The following AGT variants were observed in gnomAD, a reference collection of about 807,000 sequenced individuals.
AGT encodes the protein angiotensinogen, also known as alpha-1 antiproteinase, antitrypsin.
A neutral mutation model predicts 28.1 loss-of-function variants in AGT; 26 were observed. That is an observed-to-expected ratio of 0.92 (90% CI 0.68 to 1.28). The LOEUF is 1.28. AGT is among the 50% of genes most tolerant of loss of function. AGT has a pLI of 0.00. For synonymous variants in AGT, 259 were observed against 259.6 expected (o/e 1.00, Z 0.02); for missense variants, 596 against 592.3 (o/e 1.01, Z -0.06).
At chr1:230,732,714 A>G (rs1664089346) in intron 1 of AGT, among the ~76,000 whole-genome samples, 1 of 152,162 alleles carries the variant, frequency 6.6e-6, no homozygotes. Context: ...AAACATATTT[A>G]CTCTCCATTA....
chr1:230,739,208 T>G (rs1387998791), intron 1 of AGT, among the ~76,000 whole-genome samples: 1 of 151,618 alleles, frequency 6.6e-6, no homozygotes, highest in African/African-American at 2.4e-5. Context: ...GTTTTTTTTT[T>G]TTTTTAATTA....
chr1:230,714,998 C>T (rs1663700766), upstream of AGT, among the ~76,000 whole-genome samples: 1 of 152,072 alleles, frequency 6.6e-6, no homozygotes, highest in African/African-American at 2.4e-5. Context: ...TGTGTCCAGC[C>T]TTAAATACAT....
intron 2 of AGT, 43 bp downstream of exon 2, chr1:230,709,952 T>G (rs1248839580): frequency 6.2e-7 from 1 of 1,613,444 alleles, no homozygotes; most frequent in East Asian, 2.2e-5. Flanking sequence ...ACACATTGGA[T>G]ACTAAGTCCT....
intron 3 of AGT, among the ~76,000 whole-genome samples, chr1:230,705,247 A>G (rs1030527691): frequency 5.3e-5 from 8 of 151,572 alleles, no homozygotes; most frequent in Non-Finnish European, 8.9e-5. Flanking sequence ...TACGATGGCA[A>G]ATTTTGTTAC....
intron 1 of AGT, among the ~76,000 whole-genome samples, chr1:230,723,804 G>T (rs1286774884): frequency 1.3e-5 from 2 of 152,092 alleles, no homozygotes; most frequent in Non-Finnish European, 2.9e-5. Context: ...AAGTCCACAG[G>T]GTATTGAGCT....
At chr1:230,705,253 G>C (rs1663349332) in intron 3 of AGT, among the ~76,000 whole-genome samples, 1 of 152,134 alleles carries the variant, frequency 6.6e-6, no homozygotes, top group Admixed American at 6.5e-5. Context: ...GGCAAATTTT[G>C]TTACGTATAT....
upstream of AGT, among the ~76,000 whole-genome samples, chr1:230,715,870 G>C (rs929712204): frequency 6.6e-6 from 1 of 152,146 alleles, no homozygotes; most frequent in East Asian, 1.9e-4. Context: ...CTGTGCCTGG[G>C]CCTCCTGCCT....
upstream of AGT, among the ~76,000 whole-genome samples, chr1:230,716,808 G>A (rs904901187): frequency 6.6e-6 from 1 of 151,950 alleles, no homozygotes; most frequent in African/African-American, 2.4e-5. Context: ...TTAGCAGCGT[G>A]AGAACAGATA....
Position 230,723,243 on chromosome 1 carries a change from A to G in AGT, c.-30-12390T>C, listed in dbSNP as rs188532734. Among the ~76,000 whole-genome samples the G allele has an allele frequency of 5.3e-5, 8 of 152,278 alleles. No individual in the cohort carries two copies. In the East Asian group the frequency reaches 1.5e-3, roughly 29 times the overall value. ...TAAGTTTCCTGAGGCCTCCCCAGCC[A>G]TGCAGAACTGTGAGCCAATTAAACC... is the stretch of plus-strand genomic sequence containing the variant. On this transcript the variant is annotated intron_variant, in intron 1 of 4. Transcript: ENST00000681269.
chr1:230,708,753 G>A (rs527588286), intron 2 of AGT, among the ~76,000 whole-genome samples: 23 of 152,202 alleles, frequency 1.5e-4, no homozygotes, highest in African/African-American at 5.3e-4. Flanking sequence ...ACGTGTTCCC[G>A]TGACTGTGTG....
upstream of AGT, among the ~76,000 whole-genome samples, chr1:230,718,210 G>A (rs1210929396): frequency 6.6e-6 from 1 of 152,144 alleles, no homozygotes; most frequent in Non-Finnish European, 1.5e-5. Flanking sequence ...TTCCCAAAGT[G>A]TTGGGATTAC....
At chr1:230,715,748 A>T (rs188966726), upstream of AGT, among the ~76,000 whole-genome samples, 138 of 152,314 alleles carry the variant, frequency 9.1e-4, 1 homozygote, top group East Asian at 6.0e-3. Context: ...CCCAGTGTTT[A>T]AATATTTCGG....
chr1:230,737,501 G>A (rs1415341097), intron 1 of AGT, among the ~76,000 whole-genome samples: 1 of 151,936 alleles, frequency 6.6e-6, no homozygotes, highest in Non-Finnish European at 1.5e-5. Context: ...TAGTAGAGAT[G>A]GGGTTTTACC....
intron 1 of AGT, among the ~76,000 whole-genome samples, chr1:230,739,562 A>T (rs1664210769): frequency 6.6e-6 from 1 of 152,138 alleles, no homozygotes; most frequent in Non-Finnish European, 1.5e-5. Flanking sequence ...AGGGCTCATC[A>T]TTAACGGGAA....
At chr1:230,703,372 G>C (rs1191070588) in intron 4 of AGT, 43 bp from the exon 5 acceptor site, 1 of 1,610,186 alleles carries the variant, frequency 6.2e-7, no homozygotes, top group African/African-American at 1.3e-5. Flanking sequence ...GGGCGCACTG[G>C]GTGACCCAGG....
chr1:230,703,352 A>T, intron 4 of AGT, 23 bp from the exon 5 acceptor site: 1 of 1,613,968 alleles, frequency 6.2e-7, no homozygotes. Flanking sequence ...AGACATCAGG[A>T]TCATTCTGAG....
At chr1:230,716,062 G>A (rs11568014), upstream of AGT, among the ~76,000 whole-genome samples, 678 of 152,264 alleles carry the variant, frequency 4.5e-3, 6 homozygotes, top group African/African-American at 0.015. Flanking sequence ...AAATAATTTT[G>A]GTTAGATTGG....
intron 2 of AGT, among the ~76,000 whole-genome samples, chr1:230,706,678 C>T (rs1242774730): frequency 1.3e-5 from 2 of 152,224 alleles, no homozygotes; most frequent in Admixed American, 1.3e-4. Flanking sequence ...TCCCCCACTA[C>T]ACAGCCTCCC....
upstream of AGT, among the ~76,000 whole-genome samples, chr1:230,716,337 C>T (rs1663736599): frequency 6.6e-6 from 1 of 152,196 alleles, no homozygotes; most frequent in Non-Finnish European, 1.5e-5. Context: ...TTCATTCCAT[C>T]AGTGGAAGTT....
Sources: allele counts gnomAD v4.1 joint callset (sites outside exome capture counted in the v4.1 genomes callset), GRCh38; gene constraint gnomAD v4.1.1; transcripts MANE v1.5; gene names NCBI Gene and HGNC (gene_info 2026-07-23, HGNC 2026-07-21).